The following NBPF10 variants were observed in gnomAD, a reference collection of about 807,000 sequenced individuals.
The protein encoded by NBPF10 is NBPF family member NBPF10.
In NBPF10, 63 loss-of-function variants were observed where a neutral mutation model predicts 77.9. The observed-to-expected ratio is 0.81, with a 90% CI of 0.66 to 1.00. The LOEUF (loss-of-function observed/expected upper bound fraction) is 1.00. NBPF10 is among the 50% of genes least tolerant of loss of function. The probability of loss-of-function intolerance (pLI) is 0.00; values close to 1 mark genes in which losing one functional copy is unlikely to be tolerated. For synonymous variants in NBPF10, 146 were observed against 264.5 expected (o/e 0.55, Z 4.35); for missense variants, 522 against 679.8 (o/e 0.77, Z 2.58).
intron 11 of NBPF10, among the ~76,000 whole-genome samples, chr1:146,129,484 T>C (rs1257371562): frequency 4.4e-5 from 6 of 137,874 alleles, no homozygotes; most frequent in South Asian, 2.4e-4. Flanking sequence ...CCAATAAATA[T>C]GGGACTATGT....
At chr1:146,135,867 C>A (rs587658209) in intron 7 of NBPF10, among the ~76,000 whole-genome samples, 1 of 141,700 alleles carries the variant, frequency 7.1e-6, no homozygotes, top group Admixed American at 7.3e-5. Flanking sequence ...GTGCATCTTG[C>A]GGCCACTAGA....
At chr1:146,126,248 T>C (rs4098126) in exon 14 of NBPF10, 77 of 1,607,768 alleles carry the variant, frequency 4.8e-5, no homozygotes, top group East Asian at 4.0e-4. Flanking sequence ...TCCATGTCAA[T>C]AGCCAAGCCA....
intron 13 of NBPF10, among the ~76,000 whole-genome samples, chr1:146,126,621 A>ACT (rs1216946132): frequency 2.1e-5 from 3 of 143,650 alleles, no homozygotes; most frequent in African/African-American, 7.5e-5. Context: ...ACACACACAC[A>ACT]CACACACACA....
exon 86 of NBPF10, chr1:146,069,558 C>G (rs782213008): frequency 4.6e-6 from 5 of 1,095,856 alleles, no homozygotes; most frequent in South Asian, 3.8e-5. Context: ...ATGTCAACAG[C>G]CAAGCCAACA....
rs1412707143 is a variant in NBPF10, at chr1:146,126,573, G to A, written c.1854-165C>T. 9.6e-5 allele frequency among the ~76,000 whole-genome samples: 14 copies of A among 145,450 alleles called. No homozygotes were observed. The Admixed American group carries it at 1.0e-3, about 10-fold the overall frequency. The stretch of plus-strand genomic sequence containing the variant: ...TTTATGTTGGGATTGACTAGGGCCA[G>A]GTAGAAAAGGATGAACGAGAAAGAC... On this transcript the variant is annotated intron_variant, in intron 13 of 89. Transcript: ENST00000583866.
At chr1:146,126,518 G>T (rs587707805) in intron 13 of NBPF10, 110 bp from the exon 14 acceptor site, 3 of 716,012 alleles carry the variant, frequency 4.2e-6, no homozygotes, top group East Asian at 5.3e-5. Context: ...AAAAAGGACA[G>T]ATCCATTAAT....
At chr1:146,129,897 A>ATG (rs1659118539) in intron 11 of NBPF10, among the ~76,000 whole-genome samples, 1 of 101,188 alleles carries the variant, frequency 9.9e-6, no homozygotes, top group African/African-American at 4.6e-5. Flanking sequence ...GTGTGTATGT[A>ATG]TATATATATA....
intron 88 of NBPF10, among the ~76,000 whole-genome samples, 189 bp from the exon 89 acceptor site, chr1:146,067,477 G>A (rs1553778124): frequency 7.1e-6 from 1 of 139,952 alleles, no homozygotes; most frequent in African/African-American, 2.7e-5. Flanking sequence ...CCCAGAAACT[G>A]TGGGTAAAAT....
chr1:146,139,263 C>CTT (rs1274652736), intron 5 of NBPF10, among the ~76,000 whole-genome samples: 49 of 138,664 alleles, frequency 3.5e-4, no homozygotes, highest in African/African-American at 8.9e-4. Flanking sequence ...CCACGCCCAG[C>CTT]TATTTTTTTT....
intron 77 of NBPF10, among the ~76,000 whole-genome samples, chr1:146,076,302 C>CTG (rs1656048546): frequency 2.1e-4 from 1 of 4,862 alleles, no homozygotes; most frequent in African/African-American, 4.2e-4. Context: ...CACACACACA[C>CTG]AGAGAGAGAG....
At chr1:146,121,890 GAC>G (rs1376155056) in intron 19 of NBPF10, among the ~76,000 whole-genome samples, 2 of 149,752 alleles carry the variant, frequency 1.3e-5, no homozygotes, top group African/African-American at 5.0e-5. Flanking sequence ...CAGAGACAGA[GAC>G]AGAGAGAAAG....
At position 146,136,335 on chromosome 1, in the gene NBPF10, C is replaced by A. The variant is rs9424866; in HGVS notation, c.1091+18G>T. On this transcript the variant is annotated intron_variant, in intron 7 of 89. Coordinates refer to ENST00000583866, the Ensembl canonical transcript of NBPF10. ...TTACACACCTGCGCCCCTGCCTGCC[C>A]CCATGGGGTCCCCTCACCTGAGCTC... The A allele has an allele frequency of 1.2e-5, 14 of 1,194,016 alleles. No individual in the cohort carries two copies. Among genetic ancestry groups the A allele is most frequent in the African/African-American group, 8.9e-5 (5 of 55,880 alleles). 74.0% of individuals were successfully genotyped at this position (1,194,016 alleles called of 1,614,324 possible).
At chr1:146,136,665 A>C (rs1659743739) in intron 6 of NBPF10, among the ~76,000 whole-genome samples, 1 of 144,156 alleles carries the variant, frequency 6.9e-6, no homozygotes, top group Admixed American at 6.9e-5. Flanking sequence ...GAGAACCTCA[A>C]GGGCACATCA....
At position 146,143,002 on chromosome 1, in the gene NBPF10, C is replaced by T. The variant is rs587689403; in HGVS notation, c.176-250G>A. On this transcript the variant is annotated intron_variant, in intron 1 of 89. Transcript: ENST00000583866. ...AGTTGACAAGATGATTCAACCACAA[C>T]GAAGTGGAGTCAGAACTCACAGCCC... Among the ~76,000 whole-genome samples the T allele has an allele frequency of 1.9e-3, 202 of 106,136 alleles. 43 individuals carry two copies. Among genetic ancestry groups the T allele is most frequent in the East Asian group, 0.013 (40 of 3,152 alleles). 69.6% of individuals were successfully genotyped at this position (106,136 alleles called of 152,430 possible). A position where few individuals can be genotyped will look rare whatever the true frequency, so the allele number is the denominator to read the frequency against.
intron 2 of NBPF10, 147 bp from the exon 3 acceptor site, chr1:146,141,965 G>C (rs1475489808): frequency 3.2e-6 from 2 of 620,930 alleles, no homozygotes; most frequent in East Asian, 3.3e-5. Flanking sequence ...CTGTGGCCAA[G>C]AGAAAGAATA....
At chr1:146,125,892 T>G (rs1457631555) in intron 14 of NBPF10, among the ~76,000 whole-genome samples, 4 of 151,378 alleles carry the variant, frequency 2.6e-5, no homozygotes, top group South Asian at 4.2e-4. Context: ...AGCGAGGATT[T>G]TAGACGCTGA....
At chr1:146,123,523 CACAGAGAG>C (rs878862271) in intron 17 of NBPF10, among the ~76,000 whole-genome samples, 1 of 106,320 alleles carries the variant, frequency 9.4e-6, no homozygotes, top group Non-Finnish European at 1.9e-5. Context: ...CACACACACA[CACAGAGAG>C]AGAGAGAACG....
chr1:146,126,269 G>C (rs782683558), exon 14 of NBPF10: 5 of 1,608,084 alleles, frequency 3.1e-6, no homozygotes, highest in Non-Finnish European at 3.4e-6. Context: ...ACACGCTGTT[G>C]CTCCAATATG....
rs200580308 is a variant in NBPF10 at position 146,067,102 on chromosome 1, A to G, written c.11144+78T>C. 3.5e-4 allele frequency: 217 copies of G among 624,598 alleles called. 17 individuals are homozygous for G. Among genetic ancestry groups the G allele is most frequent in the Non-Finnish European group, 6.0e-4 (206 of 340,922 alleles). The allele number at this position is 624,598 out of a possible 1,614,324, so 38.7% of individuals were successfully genotyped here. ...AGCCTTCGTTGAAAACATGTCATCA[A>G]ACACACTCTGGTTTCCCTGAATCTG... On this transcript the variant is annotated intron_variant, in intron 89 of 89. Coordinates refer to ENST00000583866, the Ensembl canonical transcript of NBPF10.
Sources: gnomAD v4.1 joint callset for allele counts (sites outside exome capture counted in the v4.1 genomes callset) on GRCh38, gnomAD v4.1.1 for gene constraint, MANE v1.5 for transcripts, NCBI Gene and HGNC (gene_info 2026-07-23, HGNC 2026-07-21) for gene names.